HTT: variants seen among roughly 807,000 people sequenced by gnomAD.
The protein encoded by HTT is huntingtin, also known as huntington disease protein.
A neutral mutation model predicts 362.3 loss-of-function variants in HTT; 104 were observed. The ratio of observed to expected loss-of-function variants is 0.29; its 90% confidence interval spans 0.24 to 0.34. The LOEUF is 0.34. Among genes scored for constraint, HTT ranks in the 10% least tolerant of loss-of-function variants. The pLI is 1.00. For missense variants in HTT, 3,301 were observed against 3,928.6 expected (o/e 0.84, Z 4.27); for synonymous variants, 1,577 against 1,548.7 (o/e 1.02, Z -0.43).
At chr4:3,154,932 C>T (rs1717068424) in intron 27 of HTT, among the ~76,000 whole-genome samples, 1 of 151,982 alleles carries the variant, frequency 6.6e-6, no homozygotes, top group Non-Finnish European at 1.5e-5. Flanking sequence ...TTTTTTTACC[C>T]ATGAAAAGGT....
chr4:3,121,433 G>A lies in HTT; in HGVS notation c.1273+1G>A. 1 of 1,606,978 alleles carries A rather than the reference G, an allele frequency of 6.2e-7. No homozygotes were observed. ...AGTGGGAGTATTGTGGAACTTATAG[G>A]CAAGTTATTAGCAAGGTCTACTCTT... On this transcript the variant is annotated splice_donor_variant, in intron 9 of 66. Coordinates refer to ENST00000355072, the MANE Select transcript of HTT (RefSeq NM_001388492.1). LOFTEE classifies it high-confidence loss of function.
At chr4:3,214,704 T>C (rs1560596976) in intron 50 of HTT, among the ~76,000 whole-genome samples, 4 of 147,888 alleles carry the variant, frequency 2.7e-5, no homozygotes, top group Middle Eastern at 3.6e-3. Context: ...GATGTTTTCA[T>C]GTTTCATAAT....
At position 3,131,548 on chromosome 4, in the gene HTT, G is replaced by A. The variant is rs1285482570; in HGVS notation, c.2099-90G>A. 2.6e-6 allele frequency: 4 copies of A among 1,552,282 alleles called. No individual in the cohort carries two copies. The African/African-American group carries it at 4.1e-5, about 16-fold the overall frequency. On this transcript the variant is annotated intron_variant, in intron 15 of 66. Coordinates refer to ENST00000355072, the MANE Select transcript of HTT (RefSeq NM_001388492.1). ...TAGCCGAGGGGAGGGAGGAAATGAT[G>A]GGAGCAGGTAGGTTATTGGGTCTGG...
intron 29 of HTT, among the ~76,000 whole-genome samples, chr4:3,164,707 T>C (rs541504811): frequency 6.6e-6 from 1 of 152,332 alleles, no homozygotes; most frequent in South Asian, 2.1e-4. Context: ...ACTTTGTTGA[T>C]TTAAAGTCTG....
At chr4:3,199,665 T>G in intron 40 of HTT, 67 bp from the exon 41 acceptor site, 1 of 1,401,104 alleles carries the variant, frequency 7.1e-7, no homozygotes, top group East Asian at 2.3e-5. Flanking sequence ...ATGTAAAATC[T>G]TCGCGTAGCC....
chr4:3,191,307 G>C (rs1719002863), intron 40 of HTT, among the ~76,000 whole-genome samples: 1 of 151,872 alleles, frequency 6.6e-6, no homozygotes, highest in Admixed American at 6.6e-5. Context: ...CCGAGTAGCT[G>C]GGATTACGGG....
rs1234018568 is a variant in HTT at position 3,214,029 on chromosome 4, C to T, written c.6846C>T (p.Cys2282=). 6.2e-7 allele frequency: 1 copy of T among 1,609,394 alleles called. No individual in the cohort carries two copies. ...SLDLQAGLDC[C]CLALQLPGLW... ...ATCTCCAGGCAGGGCTGGACTGCTG[C>T]TGCCTGGCCCTGCAGCTGCCTGGCC... Residue 2282 remains cysteine (C), a synonymous_variant, in exon 50 of 67, where the codon TGC becomes TGT. Coordinates refer to ENST00000355072, the MANE Select transcript of HTT (RefSeq NM_001388492.1).
intron 8 of HTT, among the ~76,000 whole-genome samples, chr4:3,120,236 C>T (rs567925764): frequency 8.5e-5 from 13 of 152,288 alleles, no homozygotes; most frequent in South Asian, 2.1e-4. Context: ...ATTTGAACTT[C>T]AGATACATTA....
chr4:3,186,506 A>G, intron 37 of HTT, 91 bp from the exon 38 acceptor site: 2 of 1,397,046 alleles, frequency 1.4e-6, no homozygotes, highest in Non-Finnish European at 2.0e-6. Context: ...GATGATTATG[A>G]TGATTTGCCC....
rs184519409 is a variant in HTT, at chr4:3,196,132, C to G, written c.5369-3600C>G. Among the ~76,000 whole-genome samples the G allele has an allele frequency of 3.3e-5, 5 of 152,320 alleles. No homozygotes were observed. The South Asian group carries it at 1.0e-3, about 32-fold the overall frequency. On this transcript the variant is annotated intron_variant, in intron 40 of 66. Coordinates refer to ENST00000355072, the MANE Select transcript of HTT (RefSeq NM_001388492.1). The stretch of plus-strand genomic sequence containing the variant: ...GTGGTGGCTTCAGAATGAGCTGCAG[C>G]GAGTGCCATGCCTTCTAAAGCTTTT...
At chr4:3,200,660 C>T (rs896604515) in intron 41 of HTT, among the ~76,000 whole-genome samples, 3 of 152,200 alleles carry the variant, frequency 2.0e-5, no homozygotes, top group Admixed American at 2.0e-4. Flanking sequence ...GATACTGGAC[C>T]TTGTGCTGCC....
chr4:3,151,443 C>T (rs771612537), intron 26 of HTT, among the ~76,000 whole-genome samples: 2 of 151,798 alleles, frequency 1.3e-5, no homozygotes, highest in Non-Finnish European at 1.5e-5. Flanking sequence ...GGGGGAGTTG[C>T]TACACAAAGG....
chr4:3,207,403 A>T (rs1464013286), intron 45 of HTT, 46 bp downstream of exon 45: 9 of 1,403,546 alleles, frequency 6.4e-6, no homozygotes, highest in Non-Finnish European at 9.0e-6. Flanking sequence ...ACAACCCAGG[A>T]TATAAAGGAT....
intron 41 of HTT, 84 bp from the exon 42 acceptor site, chr4:3,203,923 A>G (rs992571951): frequency 8.1e-6 from 11 of 1,353,508 alleles, no homozygotes; most frequent in Non-Finnish European, 1.1e-5. Context: ...TAGAACTAGA[A>G]TTAAACATAA....
In HTT at chr4:3,130,441, G is replaced by C. The variant is rs1393098055; in HGVS notation, c.1986+18G>C. 7.4e-7 allele frequency: 1 copy of C among 1,358,706 alleles called. No individual in the cohort carries two copies. Among genetic ancestry groups the C allele is most frequent in the Admixed American group, 1.9e-5 (1 of 53,288 alleles). The allele number at this position is 1,358,706 out of a possible 1,614,324, so 84.2% of individuals were successfully genotyped here. ...AAAACAAGGTGAGGGACATAGGCTT[G>C]AGACGACTTGGTGTTTCTGAGCTTG... On this transcript the variant is annotated intron_variant, in intron 14 of 66. Coordinates refer to ENST00000355072, the MANE Select transcript of HTT (RefSeq NM_001388492.1).
chr4:3,148,861 G>A (rs1716743004), intron 26 of HTT, among the ~76,000 whole-genome samples: 1 of 152,202 alleles, frequency 6.6e-6, no homozygotes, highest in Non-Finnish European at 1.5e-5. Context: ...GGAGGCTGAG[G>A]CAAGAGAGTT....
intron 3 of HTT, 123 bp from the exon 4 acceptor site, chr4:3,103,701 T>C: frequency 1.5e-6 from 1 of 663,710 alleles, no homozygotes; most frequent in Admixed American, 2.4e-5. Flanking sequence ...AATGAATATA[T>C]TCTTAATTTA....
chr4:3,191,405 C>T (rs1003012353), intron 40 of HTT, among the ~76,000 whole-genome samples: 2 of 152,110 alleles, frequency 1.3e-5, no homozygotes, highest in Admixed American at 6.5e-5. Flanking sequence ...CTCCTGACCT[C>T]AGGTGATCCA....
In HTT at chr4:3,184,396, G is replaced by T. The variant is rs75094810; in HGVS notation, c.4866+1926G>T. On this transcript the variant is annotated intron_variant, in intron 37 of 66. Transcript: ENST00000355072. ...GAGCCTTGAGAGGGTTTGCGCTGAT[G>T]TGGTGTAGGTTTTAGCAGGATCATT... Among the ~76,000 whole-genome samples, 1,170 of 152,056 alleles carry T rather than the reference G, an allele frequency of 7.7e-3. 10 individuals carry two copies. Among genetic ancestry groups the T allele is most frequent in the Middle Eastern group, 0.02 (6 of 294 alleles).
Sources: gnomAD v4.1 joint callset for allele counts (sites outside exome capture counted in the v4.1 genomes callset) on GRCh38, gnomAD v4.1.1 for gene constraint, MANE v1.5 for transcripts, NCBI Gene and HGNC (gene_info 2026-07-23, HGNC 2026-07-21) for gene names.